DCUN1D2: variants seen among roughly 807,000 people sequenced by gnomAD.
The protein encoded by DCUN1D2 is defective in cullin neddylation 1 domain containing 2, also known as DCN1-like protein 2.
Under a neutral mutation model 30.9 loss-of-function variants are expected in DCUN1D2, and 29 were observed. That is an observed-to-expected ratio of 0.94 (90% CI 0.70 to 1.28). The LOEUF is 1.28. Among genes scored for constraint, DCUN1D2 ranks in the 50% most tolerant of loss-of-function variants. The pLI is 0.00. For missense variants in DCUN1D2, 325 were observed against 316.9 expected (o/e 1.03, Z -0.19); for synonymous variants, 121 against 115.3 (o/e 1.05, Z -0.32).
intron 2 of DCUN1D2, 24 bp from the exon 3 acceptor site, chr13:113,480,767 G>A: frequency 9.3e-6 from 15 of 1,612,074 alleles, no homozygotes; most frequent in Non-Finnish European, 1.3e-5. Context: ...CAGGGGAAAA[G>A]GAAGTTATAC....
intron 3 of DCUN1D2, among the ~76,000 whole-genome samples, chr13:113,479,244 T>C (rs1324835893): frequency 6.6e-6 from 1 of 152,244 alleles, no homozygotes; most frequent in Non-Finnish European, 1.5e-5. Context: ...CTCACTTTGA[T>C]CATGGATTTG....
In DCUN1D2 at chr13:113,460,484, C is replaced by A. The variant is rs187004282; in HGVS notation, c.603+570G>T. 6.3e-4 allele frequency among the ~76,000 whole-genome samples: 96 copies of A among 152,354 alleles called. No homozygotes were observed. In the South Asian group the frequency reaches 6.6e-3, roughly 11 times the overall value. ...AACCCACAGCTGCACCTGCTGCCAG[C>A]AAGACGGGCTGGCATGACGCAGCCT... On this transcript the variant is annotated intron_variant, in intron 5 of 6. Transcript: ENST00000478244.
At chr13:113,460,411 G>A (rs2044299508) in intron 5 of DCUN1D2, among the ~76,000 whole-genome samples, 1 of 152,232 alleles carries the variant, frequency 6.6e-6, no homozygotes, top group South Asian at 2.1e-4. Context: ...ACAGCAAGAG[G>A]TCTGGGCATC....
In DCUN1D2 at chr13:113,461,154, A is replaced by C. The variant is rs897438418; in HGVS notation, c.521-18T>G. On this transcript the variant is annotated intron_variant, in intron 4 of 6. Coordinates refer to ENST00000478244, the MANE Select transcript of DCUN1D2 (RefSeq NM_001014283.2). ...TTCTAAGTCTGGTAAAAAGAAAGAA[A>C]GAGCAGTTAGTAAATCTCACTCTCT... 1 of 1,526,906 alleles carries C rather than the reference A, an allele frequency of 6.5e-7. No homozygotes were observed. Among genetic ancestry groups the C allele is most frequent in the Non-Finnish European group, 9.1e-7 (1 of 1,104,504 alleles). 94.6% of individuals were successfully genotyped at this position (1,526,906 alleles called of 1,614,324 possible).
At chr13:113,466,136 A>C (rs981511541) in intron 4 of DCUN1D2, among the ~76,000 whole-genome samples, 2 of 152,080 alleles carry the variant, frequency 1.3e-5, no homozygotes, top group South Asian at 4.1e-4. Context: ...ATCCACCCAG[A>C]AGTGCTGGGA....
intron 1 of DCUN1D2, chr13:113,484,292 ATC>A: frequency 1.2e-6 from 1 of 827,704 alleles, no homozygotes; most frequent in Non-Finnish European, 1.8e-6. Context: ...ATACATTCTG[ATC>A]TCTATCCAGT....
rs548001524 is a variant in DCUN1D2 at position 113,477,499 on chromosome 13, G to A, written c.389+3076C>T. Among the ~76,000 whole-genome samples, 8 of 152,286 alleles carry A rather than the reference G, an allele frequency of 5.3e-5. No homozygotes were observed. In the South Asian group the frequency reaches 1.4e-3, roughly 28 times the overall value. On this transcript the variant is annotated intron_variant, in intron 3 of 6. Transcript: ENST00000478244. ...CCTTGGATCCTGTAGTTTGGCTAACGTCACTATTGATTTGAATATTTTACC... is the reference window on the plus strand; with the variant it reads ...CCTTGGATCCTGTAGTTTGGCTAACATCACTATTGATTTGAATATTTTACC...
chr13:113,458,487 C>G (rs536374774), intron 6 of DCUN1D2, among the ~76,000 whole-genome samples: 10 of 152,236 alleles, frequency 6.6e-5, no homozygotes, highest in African/African-American at 1.9e-4. Flanking sequence ...TCCTGCGGCT[C>G]TTCCCAAGTG....
chr13:113,462,609 A>G (rs537351981), intron 4 of DCUN1D2: 103 of 279,940 alleles, frequency 3.7e-4, no homozygotes, highest in Middle Eastern at 1.6e-3. Context: ...AAACGCCTCT[A>G]AATTCCCCGT....
chr13:113,480,830 T>C (rs1353070636), intron 2 of DCUN1D2, 87 bp from the exon 3 acceptor site: 1 of 1,396,698 alleles, frequency 7.2e-7, no homozygotes, highest in Non-Finnish European at 1.0e-6. Context: ...CATTCGATTA[T>C]ACTACATAGT....
chr13:113,473,392 A>G (rs913779595), intron 4 of DCUN1D2, among the ~76,000 whole-genome samples: 1 of 152,128 alleles, frequency 6.6e-6, no homozygotes. Context: ...CAGACTCCCC[A>G]AGTAAAAAAA....
chr13:113,485,529 C>T (rs2139745985), intron 1 of DCUN1D2, among the ~76,000 whole-genome samples: 1 of 151,984 alleles, frequency 6.6e-6, no homozygotes, highest in Middle Eastern at 3.4e-3. Flanking sequence ...GGTACAGATA[C>T]AGACCCTTCT....
At chr13:113,476,040 T>C (rs1394293174) in intron 3 of DCUN1D2, 1 of 152,258 alleles carries the variant, frequency 6.6e-6, no homozygotes, top group Non-Finnish European at 1.5e-5. Context: ...TTCGTTCCTG[T>C]GGGTATGCAT....
intron 4 of DCUN1D2, among the ~76,000 whole-genome samples, chr13:113,461,939 G>A (rs1049908284): frequency 2.6e-5 from 4 of 152,294 alleles, no homozygotes; most frequent in African/African-American, 9.6e-5. Context: ...AGTATATAAA[G>A]GGGTTCAGAA....
At chr13:113,459,023 T>G (rs528665552) in intron 6 of DCUN1D2, among the ~76,000 whole-genome samples, 1 of 152,362 alleles carries the variant, frequency 6.6e-6, no homozygotes, top group East Asian at 1.9e-4. Context: ...GGACTGAGAA[T>G]CTGGGAGTGG....
chr13:113,476,271 C>T (rs1385034474), intron 3 of DCUN1D2: 1 of 152,196 alleles, frequency 6.6e-6, no homozygotes, highest in East Asian at 1.9e-4. Context: ...TGTGCACCTT[C>T]CATTTAGTAA....
At position 113,461,118 on chromosome 13, in the gene DCUN1D2, G is replaced by C. The variant is rs773574306; in HGVS notation, c.539C>G (p.Ala180Gly). 1.2e-5 allele frequency: 19 copies of C among 1,607,526 alleles called. No homozygotes were observed. Among genetic ancestry groups the C allele is most frequent in the Non-Finnish European group, 1.6e-5 (19 of 1,175,522 alleles). Residue 180 changes from alanine to glycine, a missense_variant, in exon 5 of 7, where the codon GCG becomes GGG. Transcript: ENST00000478244. ...TCCAGATAACACTAATTTCCAATAC[G>C]CAACAGCCATTTCTAAGTCTGGTAA... ...QKGLDLEMAV[A>G]YWKLVLSGRF...
intron 3 of DCUN1D2, among the ~76,000 whole-genome samples, chr13:113,479,521 A>G (rs2044671407): frequency 6.6e-6 from 1 of 152,166 alleles, no homozygotes; most frequent in South Asian, 2.1e-4. Context: ...TGGGAGGCTG[A>G]TGAGGCAAGG....
chr13:113,487,800 G>A (rs1244843501), intron 1 of DCUN1D2, among the ~76,000 whole-genome samples: 1 of 152,166 alleles, frequency 6.6e-6, no homozygotes, highest in African/African-American at 2.4e-5. Flanking sequence ...ATTTGTGAAC[G>A]TACTAAACAC....
Sources: allele counts gnomAD v4.1 joint callset (sites outside exome capture counted in the v4.1 genomes callset), GRCh38; gene constraint gnomAD v4.1.1; transcripts MANE v1.5; gene names NCBI Gene and HGNC (gene_info 2026-07-23, HGNC 2026-07-21).